The following MYO9A variants were observed in gnomAD, a reference collection of about 807,000 sequenced individuals.
MYO9A encodes unconventional myosin-IXa.
Under a neutral mutation model 293.3 loss-of-function variants are expected in MYO9A, and 103 were observed. The observed-to-expected ratio is 0.35, with a 90% CI of 0.30 to 0.41. The LOEUF (loss-of-function observed/expected upper bound fraction) is 0.41. Ranked by LOEUF, MYO9A falls within the 10% of genes least tolerant of loss-of-function variation. The pLI, the probability that MYO9A is intolerant of heterozygous loss-of-function variation, is 1.00. For synonymous variants in MYO9A, 1,001 were observed against 1,035.7 expected (o/e 0.97, Z 0.64); for missense variants, 2,685 against 3,033.0 (o/e 0.89, Z 2.69).
At chr15:72,025,680 A>C (rs964896451) in intron 4 of MYO9A, among the ~76,000 whole-genome samples, 2 of 152,184 alleles carry the variant, frequency 1.3e-5, no homozygotes, top group African/African-American at 2.4e-5. Context: ...CTAAGAGAAG[A>C]AGCACACAAT....
chr15:71,828,774 T>C (rs1476374322), intron 40 of MYO9A, among the ~76,000 whole-genome samples: 1 of 152,218 alleles, frequency 6.6e-6, no homozygotes, highest in Non-Finnish European at 1.5e-5. Context: ...TGAAGTTCCT[T>C]TATGTCTGCA....
chr15:71,886,737 G>A (rs1371018995), intron 27 of MYO9A, among the ~76,000 whole-genome samples: 1 of 151,930 alleles, frequency 6.6e-6, no homozygotes, highest in African/African-American at 2.4e-5. Flanking sequence ...AAGTTTTTTT[G>A]AGGGGGAGAA....
At chr15:71,862,271 A>C (rs1758616138) in intron 33 of MYO9A, among the ~76,000 whole-genome samples, 1 of 152,204 alleles carries the variant, frequency 6.6e-6, no homozygotes, top group African/African-American at 2.4e-5. Flanking sequence ...AATCTGGGAC[A>C]AGACCATTTT....
intron 19 of MYO9A, among the ~76,000 whole-genome samples, chr15:71,914,385 T>C (rs2144665902): frequency 6.6e-6 from 1 of 152,318 alleles, no homozygotes; most frequent in South Asian, 2.1e-4. Flanking sequence ...AATTAATCCT[T>C]TGTGAGTTCT....
intron 1 of MYO9A, among the ~76,000 whole-genome samples, chr15:72,083,481 T>C (rs1379879500): frequency 1.3e-5 from 2 of 152,230 alleles, no homozygotes; most frequent in African/African-American, 2.4e-5. Flanking sequence ...ATGTTTTGAA[T>C]GGTTTTTCGT....
intron 8 of MYO9A, among the ~76,000 whole-genome samples, chr15:72,007,531 AC>A (rs1454916614): frequency 6.6e-6 from 1 of 152,192 alleles, no homozygotes; most frequent in African/African-American, 2.4e-5. Context: ...CCAGAATATT[AC>A]AGTCCAGTGT....
rs3759818 is a variant in MYO9A, at chr15:72,007,589, G to A, written c.1380+237C>T. Among the ~76,000 whole-genome samples the A allele has an allele frequency of 2.8e-3, 427 of 152,184 alleles. 19 individuals carry two copies. The highest frequency in any genetic ancestry group is 0.021 in the Admixed American group (328 of 15,280). On this transcript the variant is annotated intron_variant, in intron 8 of 41. Transcript: ENST00000356056. The stretch of plus-strand genomic sequence containing the variant: ...CAAATTTAGGGACTATGGATGTCTG[G>A]AGCAAGTGGAGGCAGAGGAGAAAAC...
rs80283650 is a variant in MYO9A at position 71,897,611 on chromosome 15, T to A, written c.4892A>T (p.Asn1631Ile). 0.02 allele frequency: 32,776 copies of A among 1,614,160 alleles called. 429 individuals carry two copies. Among genetic ancestry groups the A allele is most frequent in the Non-Finnish European group, 0.023 (26,988 of 1,180,012 alleles). ...ATTATTTGAGAGTTTACAGGCTACA[T>A]TCAGCTGGGTGCCCATTCTGTCTGT... is the stretch of plus-strand genomic sequence containing the variant. ...SKTDRMGTQL[N>I]VACKLSNNRI... is the part of the protein sequence containing the mutation. The change falls in exon 25 of 42, where the codon AAT (asparagine) becomes ATT (isoleucine). Residue 1631 changes from asparagine to isoleucine, a missense_variant. Coordinates refer to ENST00000356056, the MANE Select transcript of MYO9A (RefSeq NM_006901.4).
At chr15:71,936,123 C>T (rs2058637104) in intron 16 of MYO9A, among the ~76,000 whole-genome samples, 1 of 151,986 alleles carries the variant, frequency 6.6e-6, no homozygotes, top group South Asian at 2.1e-4. Flanking sequence ...CAATGGAATG[C>T]TATTCAGTCA....
At chr15:72,072,725 G>A (rs2079232305) in intron 1 of MYO9A, among the ~76,000 whole-genome samples, 1 of 152,092 alleles carries the variant, frequency 6.6e-6, no homozygotes, top group Non-Finnish European at 1.5e-5. Flanking sequence ...ACATAAGGAT[G>A]AAACACTGGG....
intron 32 of MYO9A, among the ~76,000 whole-genome samples, chr15:71,871,472 A>G (rs796584673): frequency 4.0e-5 from 6 of 151,048 alleles, no homozygotes; most frequent in African/African-American, 1.5e-4. Context: ...AGGTAGGTGA[A>G]TTGCTTGAGC....
rs1311212819 is a variant in MYO9A at position 71,854,494 on chromosome 15, A to G, written c.6229T>C (p.Leu2077=). Residue 2077 remains leucine, a synonymous_variant, in exon 35 of 42, where the codon TTA becomes CTA. Transcript: ENST00000356056. Reference sequence around the variant, plus strand: ...TAGTTTATGAGCTTTTCCACTACTAAAGGAACAGTTCGGTCTTCACTGGTC... The same window carrying G: ...TAGTTTATGAGCTTTTCCACTACTAGAGGAACAGTTCGGTCTTCACTGGTC... ...RLTSEDRTVP[L]VVEKLINYIE... The G allele has an allele frequency of 6.2e-7, 1 of 1,613,686 alleles. No individual in the cohort carries two copies. The highest frequency in any genetic ancestry group is 8.5e-7 in the Non-Finnish European group (1 of 1,179,808).
At chr15:72,073,361 G>A (rs2079250532) in intron 1 of MYO9A, among the ~76,000 whole-genome samples, 1 of 152,134 alleles carries the variant, frequency 6.6e-6, no homozygotes, top group Middle Eastern at 3.2e-3. Context: ...CAGGGTCCAT[G>A]GAACATCAAA....
rs140452252 is a variant in MYO9A, at chr15:71,880,544, G to C, written c.5413C>G (p.His1805Asp). Residue 1805 changes from histidine to aspartate, a missense_variant, in exon 29 of 42, where the codon CAC becomes GAC. Physicochemically the swap from His to Asp is moderately conservative, Grantham distance 81 (BLOSUM62 -1). This residue lies in a region of MYO9A where 1,434 missense variants were observed against 1,497.7 expected (regional missense o/e 0.96). Transcript: ENST00000356056. ...TCTGGGCTCAAAGGAGGTGTTGGGTGATATGCAGCTAATTCTACAATTCAA... is the reference window on the plus strand; with the variant it reads ...TCTGGGCTCAAAGGAGGTGTTGGGTCATATGCAGCTAATTCTACAATTCAA... Reference protein sequence around the residue: ...HQFPDELAAYHPTPPLSPELP... With the variant: ...HQFPDELAAYDPTPPLSPELP... 15 of 1,613,526 alleles carry C rather than the reference G, an allele frequency of 9.3e-6. No individual in the cohort carries two copies. The highest frequency in any genetic ancestry group is 1.3e-5 in the Non-Finnish European group (15 of 1,179,688).
intron 1 of MYO9A, among the ~76,000 whole-genome samples, chr15:72,069,773 C>G (rs2079127481): frequency 2.0e-5 from 3 of 151,542 alleles, no homozygotes; most frequent in Non-Finnish European, 4.4e-5. Flanking sequence ...TCAGAATACC[C>G]TTCAGTTGAG....
At chr15:71,910,182 A>ATATATATATATATATATATATAT (rs1567260909) in intron 19 of MYO9A, among the ~76,000 whole-genome samples, 1 of 145,736 alleles carries the variant, frequency 6.9e-6, no homozygotes, top group East Asian at 2.0e-4. Flanking sequence ...ATATATATAT[A>ATATATATATATATATATATATAT]AAATCAGAAA....
intron 2 of MYO9A, among the ~76,000 whole-genome samples, chr15:72,038,454 C>G (rs904183366): frequency 6.6e-6 from 1 of 152,152 alleles, no homozygotes; most frequent in Non-Finnish European, 1.5e-5. Flanking sequence ...ACAGTGTTAT[C>G]TAACCACAAA....
In MYO9A at chr15:71,878,179, T is replaced by C; in HGVS notation, c.5792A>G (p.Gln1931Arg). Residue 1931 changes from glutamine (Q) to arginine (R), a missense_variant, in exon 31 of 42, where the codon CAG (glutamine) becomes CGG (arginine). This residue lies in a region of MYO9A where 1,434 missense variants were observed against 1,497.7 expected (regional missense o/e 0.96). Transcript: ENST00000356056. Reference protein sequence around the residue: ...RYKDLYALFEQILEKTMRLEQ... With the variant: ...RYKDLYALFERILEKTMRLEQ... Reference sequence around the variant, plus strand: ...AAGCCTCATCGTCTTTTCCAGAATCTGTTCAAATAGTGCATAGAGGTCTTT... The same window carrying C: ...AAGCCTCATCGTCTTTTCCAGAATCCGTTCAAATAGTGCATAGAGGTCTTT... 6.2e-7 allele frequency: 1 copy of C among 1,611,742 alleles called. No individual in the cohort carries two copies. The highest frequency in any genetic ancestry group is 8.5e-7 in the Non-Finnish European group (1 of 1,179,376).
At chr15:72,025,233 C>G (rs999976191) in intron 4 of MYO9A, among the ~76,000 whole-genome samples, 10 of 152,150 alleles carry the variant, frequency 6.6e-5, no homozygotes, top group Non-Finnish European at 7.4e-5. Flanking sequence ...AAAATAAAGA[C>G]CAAACTTGTT....
Sources: gnomAD v4.1 joint callset for allele counts (sites outside exome capture counted in the v4.1 genomes callset) on GRCh38, gnomAD v4.1.1 for gene constraint, gnomAD v4.1.1 regional missense constraint, MANE v1.5 for transcripts, NCBI Gene and HGNC (gene_info 2026-07-23, HGNC 2026-07-21) for gene names.